The following SPATA16 variants were observed in gnomAD, a reference collection of about 807,000 sequenced individuals.
The protein encoded by SPATA16 is spermatogenesis associated 16, also known as spermatogenesis-associated protein 16.
In SPATA16, 36 loss-of-function variants were observed where a neutral mutation model predicts 63.3. The ratio of observed to expected loss-of-function variants is 0.57; its 90% CI spans 0.44 to 0.75. SPATA16 has a LOEUF of 0.75. Ranked by LOEUF, SPATA16 falls within the 30% of genes least tolerant of loss-of-function variation. The pLI is 0.00. For missense variants in SPATA16, 646 were observed against 679.3 expected, an observed-to-expected ratio of 0.95 and a Z score of 0.54; for synonymous variants, 203 against 216.7, an observed-to-expected ratio of 0.94 and a Z score of 0.56.
chr3:173,058,631 C>A (rs999072510), intron 2 of SPATA16, among the ~76,000 whole-genome samples: 2 of 152,092 alleles, frequency 1.3e-5, no homozygotes, highest in Non-Finnish European at 2.9e-5. Context: ...TGGCACCTCA[C>A]CTCAAAATCA....
At chr3:173,076,775 T>C (rs1456743999) in intron 2 of SPATA16, among the ~76,000 whole-genome samples, 1 of 152,170 alleles carries the variant, frequency 6.6e-6, no homozygotes, top group Admixed American at 6.5e-5. Flanking sequence ...AGTATGTTTT[T>C]GCATAAATCC....
intron 2 of SPATA16, among the ~76,000 whole-genome samples, chr3:173,072,369 C>T (rs1479744404): frequency 6.6e-6 from 1 of 152,112 alleles, no homozygotes; most frequent in Non-Finnish European, 1.5e-5. Flanking sequence ...ACATTGGGTA[C>T]TCATGAATAC....
At chr3:172,971,593 C>T (rs1734049056) in intron 5 of SPATA16, among the ~76,000 whole-genome samples, 1 of 152,158 alleles carries the variant, frequency 6.6e-6, no homozygotes, top group Non-Finnish European at 1.5e-5. Context: ...ATTTTGTTCA[C>T]TCCTGTATCT....
At chr3:173,100,550 T>C (rs575692020) in intron 2 of SPATA16, among the ~76,000 whole-genome samples, 48 of 152,138 alleles carry the variant, frequency 3.2e-4, no homozygotes, top group African/African-American at 1.1e-3. Context: ...AAATATTTAT[T>C]TGTGTGTTTA....
intron 3 of SPATA16, among the ~76,000 whole-genome samples, chr3:173,046,975 A>G (rs1278935821): frequency 1.3e-5 from 2 of 151,996 alleles, no homozygotes; most frequent in East Asian, 1.9e-4. Context: ...TTATTTTACA[A>G]AAGTTAATTG....
intron 5 of SPATA16, among the ~76,000 whole-genome samples, chr3:172,964,964 C>T (rs1733880214): frequency 6.6e-6 from 1 of 152,190 alleles, no homozygotes. Flanking sequence ...GTTTCAAGGA[C>T]TAACTTTCTG....
At chr3:173,005,698 T>G (rs1577128246) in intron 4 of SPATA16, among the ~76,000 whole-genome samples, 1 of 152,292 alleles carries the variant, frequency 6.6e-6, no homozygotes, top group South Asian at 2.1e-4. Context: ...GATGGAGAAA[T>G]TAACAAAGTC....
At chr3:172,911,277 C>T (rs1449122061) in intron 10 of SPATA16, among the ~76,000 whole-genome samples, 1 of 152,172 alleles carries the variant, frequency 6.6e-6, no homozygotes, top group African/African-American at 2.4e-5. Context: ...TCAGTGGCCC[C>T]TTCTTGGAGG....
chr3:172,956,945 CAT>C, intron 5 of SPATA16, 121 bp from the exon 6 acceptor site: 1 of 1,233,508 alleles, frequency 8.1e-7, no homozygotes, highest in Non-Finnish European at 1.1e-6. Context: ...GCAAAGATAA[CAT>C]ATTTTGGTCT....
intron 6 of SPATA16, among the ~76,000 whole-genome samples, chr3:172,941,388 T>A (rs1373342069): frequency 6.6e-6 from 1 of 152,166 alleles, no homozygotes; most frequent in East Asian, 1.9e-4. Context: ...AAAAAAATTA[T>A]TCCTGGACAC....
chr3:173,086,540 G>T (rs73044993), intron 2 of SPATA16, among the ~76,000 whole-genome samples: 2,903 of 152,108 alleles, frequency 0.019, 80 homozygotes, highest in African/African-American at 0.067. Flanking sequence ...ATATCCTTCA[G>T]TTCTGCTCTG....
chr3:172,979,055 G>C (rs1268731485), intron 4 of SPATA16, among the ~76,000 whole-genome samples: 1 of 152,086 alleles, frequency 6.6e-6, no homozygotes, highest in Non-Finnish European at 1.5e-5. Context: ...GGCTAACACG[G>C]TGAAACCCCA....
At chr3:172,914,743 G>C (rs1732441737) in intron 9 of SPATA16, among the ~76,000 whole-genome samples, 1 of 151,924 alleles carries the variant, frequency 6.6e-6, no homozygotes, top group Non-Finnish European at 1.5e-5. Context: ...TTTTTCTGCT[G>C]GGTATATAAG....
intron 8 of SPATA16, among the ~76,000 whole-genome samples, chr3:172,923,568 A>G (rs1435044921): frequency 6.6e-6 from 1 of 152,226 alleles, no homozygotes; most frequent in Non-Finnish European, 1.5e-5. Flanking sequence ...TGCAGCCTTT[A>G]TAGCCTATTA....
intron 6 of SPATA16, among the ~76,000 whole-genome samples, chr3:172,935,105 CAGTT>C (rs761345672): frequency 2.0e-5 from 3 of 152,114 alleles, no homozygotes; most frequent in Non-Finnish European, 2.9e-5. Flanking sequence ...AACTGAAAAT[CAGTT>C]AGTATAGACA....
intron 4 of SPATA16, among the ~76,000 whole-genome samples, chr3:172,988,966 G>A (rs974533552): frequency 9.2e-5 from 14 of 152,152 alleles, no homozygotes; most frequent in African/African-American, 3.4e-4. Flanking sequence ...ATATAAACAT[G>A]TGCTAATTTT....
intron 2 of SPATA16, among the ~76,000 whole-genome samples, chr3:173,109,289 A>G (rs1216659779): frequency 2.0e-5 from 3 of 152,030 alleles, no homozygotes; most frequent in Non-Finnish European, 2.9e-5. Flanking sequence ...GCTGCATACA[A>G]ATAGGAACTG....
intron 1 of SPATA16, among the ~76,000 whole-genome samples, chr3:173,123,390 T>G (rs371375273): frequency 1.3e-5 from 2 of 152,152 alleles, no homozygotes; most frequent in East Asian, 3.8e-4. Flanking sequence ...TTTTAGATAA[T>G]AGGATAATAT....
intron 7 of SPATA16, among the ~76,000 whole-genome samples, chr3:172,924,590 A>G (rs1577091321): frequency 6.6e-6 from 1 of 152,120 alleles, no homozygotes; most frequent in African/African-American, 2.4e-5. Flanking sequence ...CAATTCACCT[A>G]TCTCTTCAGA....
Sources: allele counts gnomAD v4.1 joint callset (sites outside exome capture counted in the v4.1 genomes callset), GRCh38; gene constraint gnomAD v4.1.1; transcripts MANE v1.5; gene names NCBI Gene and HGNC (gene_info 2026-07-23, HGNC 2026-07-21).